Variants in MALRD1 observed in about 807,000 individuals in gnomAD.
MALRD1 encodes MAM and LDL-receptor class A domain-containing protein 1.
A neutral mutation model predicts 242.1 loss-of-function variants in MALRD1; 247 were observed. That is an observed-to-expected ratio of 1.02 (90% confidence interval 0.92 to 1.13). The LOEUF (loss-of-function observed/expected upper bound fraction) is 1.13, where lower values mean the gene tolerates loss of function less well. Among genes scored for constraint, MALRD1 ranks in the 50% most tolerant of loss-of-function variants. MALRD1 has a pLI of 0.00. For synonymous variants in MALRD1, 995 were observed against 866.6 expected, an observed-to-expected ratio of 1.15 and a Z score of -2.60; for missense variants, 2,989 against 2,533.1, an observed-to-expected ratio of 1.18 and a Z score of -3.86.
At chr10:19,503,948 T>C (rs898601884) in intron 31 of MALRD1, among the ~76,000 whole-genome samples, 4 of 152,228 alleles carry the variant, frequency 2.6e-5, no homozygotes, top group African/African-American at 9.6e-5. Flanking sequence ...GAATCAAATA[T>C]GCTGACTGAC....
At chr10:19,529,542 CAGG>C (rs920626560) in intron 31 of MALRD1, among the ~76,000 whole-genome samples, 2,946 of 47,982 alleles carry the variant, frequency 0.061, 174 homozygotes, top group African/African-American at 0.2. Flanking sequence ...CAGAAAAAAA[CAGG>C]AGGGGGGGGG....
intron 13 of MALRD1, among the ~76,000 whole-genome samples, chr10:19,171,980 TCA>T (rs1835006599): frequency 2.0e-4 from 2 of 10,078 alleles, no homozygotes; most frequent in Admixed American, 1.3e-3. Flanking sequence ...GTGATATATA[TCA>T]TATAATATAT....
intron 24 of MALRD1, among the ~76,000 whole-genome samples, chr10:19,342,359 A>C (rs1273205728): frequency 6.6e-6 from 1 of 152,004 alleles, no homozygotes; most frequent in Admixed American, 6.6e-5. Context: ...TATTACTACC[A>C]GATTTCCTTT....
At chr10:19,717,713 A>G (rs920799888) in intron 38 of MALRD1, among the ~76,000 whole-genome samples, 10 of 152,272 alleles carry the variant, frequency 6.6e-5, no homozygotes, top group South Asian at 2.1e-4. Context: ...TTGGGTTGCT[A>G]TAAAGAAATA....
rs1294773925 is a variant in MALRD1, at chr10:19,692,375, T to A, written c.6217+14T>A. On this transcript the variant is annotated intron_variant, in intron 37 of 39. Coordinates refer to ENST00000454679, the MANE Select transcript of MALRD1 (RefSeq NM_001142308.3). ...ACGCTCAGAATAGTAGGTGACATTATGACTAAATAAATGGCTTGGTTTGGG... is the reference window on the plus strand; with the variant it reads ...ACGCTCAGAATAGTAGGTGACATTAAGACTAAATAAATGGCTTGGTTTGGG... The A allele has an allele frequency of 6.5e-7, 1 of 1,534,140 alleles. No individual in the cohort carries two copies. Among genetic ancestry groups the A allele is most frequent in the South Asian group, 1.2e-5 (1 of 83,910 alleles).
intron 21 of MALRD1, among the ~76,000 whole-genome samples, chr10:19,296,883 C>A (rs1465184930): frequency 6.6e-6 from 1 of 151,628 alleles, no homozygotes; most frequent in African/African-American, 2.4e-5. Context: ...AGTGAAGAAT[C>A]AGTTTGTTTT....
chr10:19,520,061 C>A (rs1355814226), intron 31 of MALRD1, among the ~76,000 whole-genome samples: 2 of 152,146 alleles, frequency 1.3e-5, no homozygotes, highest in African/African-American at 4.8e-5. Context: ...TGACTCTGAA[C>A]AGGCTTTTTC....
chr10:19,247,684 A>G (rs1433649453), intron 18 of MALRD1, among the ~76,000 whole-genome samples: 1 of 152,084 alleles, frequency 6.6e-6, no homozygotes, highest in Non-Finnish European at 1.5e-5. Context: ...TTAACATTAT[A>G]TTTTTATTTT....
intron 26 of MALRD1, among the ~76,000 whole-genome samples, chr10:19,371,664 G>A (rs1029536836): frequency 6.6e-6 from 1 of 151,766 alleles, no homozygotes; most frequent in African/African-American, 2.4e-5. Context: ...TGAAATTTTT[G>A]CAAATATTAT....
intron 36 of MALRD1, among the ~76,000 whole-genome samples, chr10:19,671,334 T>C (rs1841911572): frequency 6.6e-6 from 1 of 152,198 alleles, no homozygotes; most frequent in South Asian, 2.1e-4. Flanking sequence ...TAGCTAAATA[T>C]TGGCCAGGCA....
chr10:19,234,951 G>A (rs992059022), intron 18 of MALRD1, among the ~76,000 whole-genome samples: 6 of 150,592 alleles, frequency 4.0e-5, no homozygotes, highest in Admixed American at 2.0e-4. Flanking sequence ...AAAAGATGAG[G>A]AGGTCTCTGC....
rs561463479 is a variant in MALRD1, at chr10:19,620,046, A to G, written c.6137+4123A>G. Among the ~76,000 whole-genome samples, 7 of 150,400 alleles carry G rather than the reference A, an allele frequency of 4.7e-5. No homozygotes were observed. The South Asian group carries it at 1.5e-3, about 32-fold the overall frequency. The stretch of plus-strand genomic sequence containing the variant: ...ATAATAATAATAATATATTGTTTAT[A>G]TTTTGTGGCAGAAAAAGATTAATAA... On this transcript the variant is annotated intron_variant, in intron 36 of 39. Coordinates refer to ENST00000454679, the MANE Select transcript of MALRD1 (RefSeq NM_001142308.3).
chr10:19,719,347 AAGTGG>A (rs1466848062), intron 38 of MALRD1, among the ~76,000 whole-genome samples: 1 of 149,340 alleles, frequency 6.7e-6, no homozygotes, highest in East Asian at 2.0e-4. Context: ...TGCACTTGTG[AAGTGG>A]AGTGAAGACG....
intron 38 of MALRD1, among the ~76,000 whole-genome samples, chr10:19,729,979 C>T (rs1186655273): frequency 3.3e-5 from 5 of 151,930 alleles, no homozygotes; most frequent in Admixed American, 6.6e-5. Context: ...CCTCGTGATC[C>T]GCCCGCCTCG....
At chr10:19,220,109 G>A (rs1471579857) in intron 18 of MALRD1, among the ~76,000 whole-genome samples, 2 of 152,112 alleles carry the variant, frequency 1.3e-5, no homozygotes, top group Admixed American at 6.5e-5. Flanking sequence ...TTTTTAAAAA[G>A]TTGTTCAGTA....
intron 21 of MALRD1, among the ~76,000 whole-genome samples, chr10:19,314,759 T>C (rs1236741627): frequency 1.3e-5 from 2 of 151,498 alleles, no homozygotes; most frequent in Non-Finnish European, 3.0e-5. Flanking sequence ...TGAATAGTTA[T>C]AACAGAGACC....
chr10:19,123,436 T>G, intron 5 of MALRD1, 56 bp from the exon 6 acceptor site: 86 of 1,016,050 alleles, frequency 8.5e-5, no homozygotes, highest in South Asian at 2.0e-4. Context: ...GCAAAATACT[T>G]GAGTCTTTCC....
At position 19,161,277 on chromosome 10, in the gene MALRD1, C is replaced by G. The variant is rs1333371090; in HGVS notation, c.1657-4360C>G. Among the ~76,000 whole-genome samples, 15 of 108,998 alleles carry G rather than the reference C, an allele frequency of 1.4e-4. No homozygotes were observed. In the Admixed American group the frequency reaches 1.5e-3, roughly 11 times the overall value. The allele number at this position is 108,998 out of a possible 152,430, so 71.5% of individuals were successfully genotyped here. On this transcript the variant is annotated intron_variant, in intron 12 of 39. Coordinates refer to ENST00000454679, the MANE Select transcript of MALRD1 (RefSeq NM_001142308.3). ...AACAAAAAACCAAACACCACATATTCTCACTCATAGGTGGGAATTGAACAA... is the reference window on the plus strand; with the variant it reads ...AACAAAAAACCAAACACCACATATTGTCACTCATAGGTGGGAATTGAACAA...
rs145552458 is a variant in MALRD1 at position 19,667,692 on chromosome 10, A to G, written c.6138-24590A>G. On this transcript the variant is annotated intron_variant, in intron 36 of 39. Transcript: ENST00000454679. ...CCCTTTGCTTTCTGCTATGATTGAA[A>G]GCTCCCTGAGGCTTCACCAGAAGCT... Among the ~76,000 whole-genome samples the G allele has an allele frequency of 4.3e-3, 647 of 152,006 alleles. 8 individuals are homozygous for G. Among genetic ancestry groups the G allele is most frequent in the Non-Finnish European group, 1.7e-3 (114 of 67,984 alleles).
Sources: allele counts gnomAD v4.1 joint callset (sites outside exome capture counted in the v4.1 genomes callset), GRCh38; gene constraint gnomAD v4.1.1; transcripts MANE v1.5; gene names NCBI Gene and HGNC (gene_info 2026-07-23, HGNC 2026-07-21).